The following SLC25A21 variants were observed in gnomAD, a reference collection of about 807,000 sequenced individuals.
SLC25A21 encodes the protein mitochondrial 2-oxodicarboxylate carrier.
A neutral mutation model predicts 43.8 loss-of-function variants in SLC25A21; 47 were observed. That is an observed-to-expected ratio of 1.07 (90% CI 0.85 to 1.37). The LOEUF is 1.37. SLC25A21 is among the 40% of genes most tolerant of loss of function. SLC25A21 has a pLI of 0.00. For missense variants in SLC25A21, 352 were observed against 350.2 expected (o/e 1.00, Z -0.04); for synonymous variants, 131 against 121.3 (o/e 1.08, Z -0.52).
At chr14:37,107,066 C>G (rs1245537046) in intron 1 of SLC25A21, among the ~76,000 whole-genome samples, 2 of 151,930 alleles carry the variant, frequency 1.3e-5, no homozygotes, top group African/African-American at 4.8e-5. Flanking sequence ...ATGTAATGTT[C>G]TAAGAAATTA....
chr14:36,837,782 T>A (rs1327769868), intron 2 of SLC25A21, among the ~76,000 whole-genome samples: 1 of 152,198 alleles, frequency 6.6e-6, no homozygotes, highest in African/African-American at 2.4e-5. Context: ...CTCCTCACAC[T>A]GAAAGACTTC....
chr14:37,100,236 T>A (rs1373554632), intron 1 of SLC25A21, among the ~76,000 whole-genome samples: 1 of 152,062 alleles, frequency 6.6e-6, no homozygotes, highest in African/African-American at 2.4e-5. Flanking sequence ...TTTTTGTATT[T>A]TTAGTAGAGA....
chr14:37,030,030 G>T (rs1961176774), intron 1 of SLC25A21, among the ~76,000 whole-genome samples: 1 of 152,064 alleles, frequency 6.6e-6, no homozygotes, highest in Non-Finnish European at 1.5e-5. Context: ...TTCCCAAAGT[G>T]CTGGGATTAC....
chr14:37,108,813 G>T (rs1027539743), intron 1 of SLC25A21, among the ~76,000 whole-genome samples: 1 of 151,622 alleles, frequency 6.6e-6, no homozygotes, highest in Non-Finnish European at 1.5e-5. Context: ...AATAGGACAA[G>T]TCATAATATC....
At chr14:37,076,219 G>A (rs2138832108) in intron 1 of SLC25A21, among the ~76,000 whole-genome samples, 1 of 152,140 alleles carries the variant, frequency 6.6e-6, no homozygotes, top group East Asian at 1.9e-4. Context: ...GGAGAGCAGT[G>A]GAGCAATCTC....
intron 1 of SLC25A21, among the ~76,000 whole-genome samples, chr14:37,025,213 T>G (rs1315045876): frequency 6.6e-6 from 1 of 152,194 alleles, no homozygotes; most frequent in African/African-American, 2.4e-5. Context: ...TTATGCATTT[T>G]GTGACATCAA....
intron 3 of SLC25A21, among the ~76,000 whole-genome samples, chr14:36,792,896 T>C (rs954477386): frequency 5.3e-5 from 8 of 152,112 alleles, no homozygotes; most frequent in African/African-American, 1.9e-4. Flanking sequence ...CATTTTACAA[T>C]GATCACAGAT....
intron 1 of SLC25A21, among the ~76,000 whole-genome samples, chr14:37,156,568 G>T (rs1963854212): frequency 1.3e-5 from 2 of 151,866 alleles, no homozygotes; most frequent in East Asian, 1.9e-4. Context: ...TAGACTAAAA[G>T]TAAAGGAAAA....
At chr14:37,020,750 A>G (rs1203059940) in intron 1 of SLC25A21, among the ~76,000 whole-genome samples, 2 of 151,898 alleles carry the variant, frequency 1.3e-5, no homozygotes, top group Non-Finnish European at 2.9e-5. Context: ...GTTTTGAAAA[A>G]GGGCAGACCT....
intron 1 of SLC25A21, among the ~76,000 whole-genome samples, chr14:36,958,697 A>G (rs866076094): frequency 0.018 from 2,684 of 151,918 alleles, 82 homozygotes; most frequent in African/African-American, 0.061. Context: ...ACACACACAC[A>G]CACACACACA....
At chr14:36,830,257 T>A (rs145229959) in intron 2 of SLC25A21, among the ~76,000 whole-genome samples, 5 of 152,354 alleles carry the variant, frequency 3.3e-5, no homozygotes, top group Non-Finnish European at 5.9e-5. Context: ...ATATTTGTTT[T>A]ACTGGCATTA....
intron 1 of SLC25A21, among the ~76,000 whole-genome samples, chr14:36,956,547 T>C (rs187855144): frequency 1.3e-5 from 2 of 152,348 alleles, no homozygotes; most frequent in East Asian, 1.9e-4. Context: ...CTTAGCTCCC[T>C]AGCATTTGCT....
In SLC25A21 at chr14:36,892,264, A is replaced by T. The variant is rs146952496; in HGVS notation, c.71-17260T>A. Among the ~76,000 whole-genome samples, 490 of 152,310 alleles carry T rather than the reference A, an allele frequency of 3.2e-3. 4 individuals carry two copies. The highest frequency in any genetic ancestry group is 0.011 in the African/African-American group (460 of 41,564). On this transcript the variant is annotated intron_variant, in intron 1 of 9. Transcript: ENST00000331299. ...TCCTACTACTGAGTATATATATACA[A>T]AAGAAATTAAATCAGTATGTTGAAA...
chr14:36,815,170 C>T (rs1001996925), intron 2 of SLC25A21, among the ~76,000 whole-genome samples: 3 of 151,910 alleles, frequency 2.0e-5, no homozygotes, highest in Admixed American at 6.6e-5. Context: ...GGCCAGTTGG[C>T]GGCTGTGGGG....
At chr14:36,795,599 A>G (rs1887643890) in intron 3 of SLC25A21, among the ~76,000 whole-genome samples, 1 of 152,236 alleles carries the variant, frequency 6.6e-6, no homozygotes, top group Non-Finnish European at 1.5e-5. Flanking sequence ...TTTTAGTCAC[A>G]GAAGCCCAAG....
At chr14:36,877,998 G>C (rs974004584) in intron 1 of SLC25A21, among the ~76,000 whole-genome samples, 1 of 152,040 alleles carries the variant, frequency 6.6e-6, no homozygotes, top group East Asian at 1.9e-4. Context: ...GAGTGGTATT[G>C]ACCTCTGCTA....
At chr14:36,758,572 A>T (rs1566580788) in intron 3 of SLC25A21, among the ~76,000 whole-genome samples, 1 of 137,846 alleles carries the variant, frequency 7.3e-6, no homozygotes, top group South Asian at 2.4e-4. Context: ...TTTCTTTTCT[A>T]TATTGGGTCA....
At chr14:36,941,688 ATTC>A (rs1216015714) in intron 1 of SLC25A21, among the ~76,000 whole-genome samples, 1 of 151,884 alleles carries the variant, frequency 6.6e-6, no homozygotes, top group Non-Finnish European at 1.5e-5. Context: ...TTTAAATGCT[ATTC>A]TTCATTAATG....
chr14:36,733,191 GA>G (rs1884901047), intron 4 of SLC25A21, among the ~76,000 whole-genome samples: 1 of 152,180 alleles, frequency 6.6e-6, no homozygotes, highest in Admixed American at 6.5e-5. Flanking sequence ...CTGAACAGAT[GA>G]GTATATTATT....
Sources: allele counts gnomAD v4.1 joint callset (sites outside exome capture counted in the v4.1 genomes callset), GRCh38; gene constraint gnomAD v4.1.1; transcripts MANE v1.5; gene names NCBI Gene and HGNC (gene_info 2026-07-23, HGNC 2026-07-21).